The following ZNF423 variants were observed in gnomAD, a reference collection of about 807,000 sequenced individuals.
The protein encoded by ZNF423 is Ebf-associated zinc finger protein.
ZNF423 carries 12 observed loss-of-function variants against 95.8 expected under a neutral mutation model. That is an observed-to-expected ratio of 0.13 (90% confidence interval 0.08 to 0.20). The LOEUF (loss-of-function observed/expected upper bound fraction) is 0.20, where lower values mean the gene tolerates loss of function less well. Among genes scored for constraint, ZNF423 ranks in the 10% least tolerant of loss-of-function variants. The pLI, the probability that ZNF423 is intolerant of heterozygous loss-of-function variation, is 1.00. For missense variants in ZNF423, 1,316 were observed against 1,737.1 expected, an observed-to-expected ratio of 0.76 and a Z score of 4.31; for synonymous variants, 749 against 711.9, an observed-to-expected ratio of 1.05 and a Z score of -0.83.
At chr16:49,797,542 G>A (rs2034517559) in intron 1 of ZNF423, among the ~76,000 whole-genome samples, 2 of 152,224 alleles carry the variant, frequency 1.3e-5, no homozygotes. Flanking sequence ...TTCAGGTGGC[G>A]ATGTGTTCAG....
intron 5 of ZNF423, among the ~76,000 whole-genome samples, chr16:49,553,180 A>G (rs558899489): frequency 6.6e-6 from 1 of 152,300 alleles, no homozygotes; most frequent in South Asian, 2.1e-4. Flanking sequence ...TGGAAAAATG[A>G]TAATAATAAG....
chr16:49,735,236 C>T (rs1365538765), intron 2 of ZNF423, among the ~76,000 whole-genome samples: 1 of 152,160 alleles, frequency 6.6e-6, no homozygotes, highest in African/African-American at 2.4e-5. Flanking sequence ...GCTTCCCACT[C>T]CTGATCTCCA....
At chr16:49,857,998 G>T (rs914296893), upstream of ZNF423, 1 of 152,218 alleles carries the variant, frequency 6.6e-6, no homozygotes, top group African/African-American at 2.4e-5. This position sits in a 1 kb window ranked among gnomAD's most constrained non-coding sequence, Gnocchi z 6.2. Context: ...CAGGTCTCGG[G>T]TGGGGAGCGG....
intron 3 of ZNF423, chr16:49,640,772 G>GC (rs1042027057): frequency 6.6e-6 from 1 of 152,400 alleles, no homozygotes; most frequent in Non-Finnish European, 1.5e-5. Flanking sequence ...AGCTCAAGGG[G>GC]CCTCCTGGAA....
intron 5 of ZNF423, among the ~76,000 whole-genome samples, chr16:49,534,278 G>T (rs1185125054): frequency 1.4e-5 from 2 of 147,700 alleles, no homozygotes; most frequent in Non-Finnish European, 3.0e-5. Flanking sequence ...TTTTGAGACC[G>T]AGTTTCACTC....
chr16:49,614,868 C>A (rs1971824819), intron 5 of ZNF423, among the ~76,000 whole-genome samples: 1 of 152,174 alleles, frequency 6.6e-6, no homozygotes, highest in African/African-American at 2.4e-5. Flanking sequence ...CAGTGGCTCA[C>A]AACAGTAATC....
At chr16:49,493,402 G>C (rs540129223) in intron 7 of ZNF423, among the ~76,000 whole-genome samples, 3 of 152,120 alleles carry the variant, frequency 2.0e-5, no homozygotes, top group South Asian at 2.1e-4. Flanking sequence ...ACAGGGTGGC[G>C]GCACCTCCTT....
rs192203036 is a variant in ZNF423 at position 49,854,647 on chromosome 16, G to A, written c.40+1088C>T. On this transcript the variant is annotated intron_variant, in intron 1 of 7. Transcript: ENST00000563137. ...CGAGCGCCCGGGCACCCAACCGAGGGGCTAGAATCGGGACAAAGCAGCAGG... is the reference window on the plus strand; with the variant it reads ...CGAGCGCCCGGGCACCCAACCGAGGAGCTAGAATCGGGACAAAGCAGCAGG... The A allele has an allele frequency of 4.1e-6, 4 of 985,404 alleles. No individual in the cohort carries two copies. In the African/African-American group the frequency reaches 5.2e-5, roughly 13 times the overall value. The allele number at this position is 985,404 out of a possible 1,614,324, so 61.0% of individuals were successfully genotyped here. A position where few individuals can be genotyped will look rare whatever the true frequency, so the allele number is the denominator to read the frequency against.
At chr16:49,587,240 A>T (rs1352280634) in intron 5 of ZNF423, among the ~76,000 whole-genome samples, 1 of 152,166 alleles carries the variant, frequency 6.6e-6, no homozygotes, top group African/African-American at 2.4e-5. Flanking sequence ...AGCCCCTGAC[A>T]ATGACAGACA....
At chr16:49,630,924 G>A (rs904532612) in intron 4 of ZNF423, among the ~76,000 whole-genome samples, 1 of 151,900 alleles carries the variant, frequency 6.6e-6, no homozygotes, top group Non-Finnish European at 1.5e-5. Context: ...ATACACACAA[G>A]ACACACACAC....
intron 1 of ZNF423, among the ~76,000 whole-genome samples, chr16:49,809,230 C>T (rs192331603): frequency 6.6e-6 from 1 of 152,254 alleles, no homozygotes; most frequent in Non-Finnish European, 1.5e-5. Flanking sequence ...GCGGCCCACA[C>T]ATAATGCGAG....
At chr16:49,730,434 A>G in intron 3 of ZNF423, 1 of 343,288 alleles carries the variant, frequency 2.9e-6, no homozygotes, top group Non-Finnish European at 5.4e-6. Flanking sequence ...TTAACTTTGC[A>G]CTAACAACCT....
intron 1 of ZNF423, among the ~76,000 whole-genome samples, chr16:49,801,479 A>G (rs373384155): frequency 6.6e-6 from 1 of 152,244 alleles, no homozygotes; most frequent in Non-Finnish European, 1.5e-5. Context: ...ACTCCTGGAC[A>G]ATGCTGCCCA....
rs1555489931 is a variant in ZNF423, at chr16:49,842,447, A to AGGCC, written c.40+13284_40+13287dup. On this transcript the variant is annotated intron_variant, in intron 1 of 7. Coordinates refer to ENST00000563137, the MANE Select transcript of ZNF423 (RefSeq NM_001379286.1). ...CAGGCAGGCAGGCAGGCAGGCAGGC[A>AGGCC]GGCCCATAAACATAAAAGGCCAGGT... is the stretch of plus-strand genomic sequence containing the variant. 1.7e-4 allele frequency among the ~76,000 whole-genome samples: 25 copies of AGGCC among 144,214 alleles called. No homozygotes were observed. The East Asian group carries it at 3.2e-3, about 19-fold the overall frequency. The allele number at this position is 144,214 out of a possible 152,430, so 94.6% of individuals were successfully genotyped here.
At chr16:49,510,678 G>A (rs890133799) in intron 7 of ZNF423, among the ~76,000 whole-genome samples, 1 of 152,210 alleles carries the variant, frequency 6.6e-6, no homozygotes, top group Non-Finnish European at 1.5e-5. Context: ...ATGTCTTCCC[G>A]TGTGAGAGGC....
rs547574728 is a variant in ZNF423 at position 49,657,219 on chromosome 16, A to T, written c.302-18345T>A. Among the ~76,000 whole-genome samples, 4 of 152,198 alleles carry T rather than the reference A, an allele frequency of 2.6e-5. No homozygotes were observed. The South Asian group carries it at 8.3e-4, about 32-fold the overall frequency. ...CACACTGTGTGACCTCAAATCACAG[A>T]TCCCCTGCTTCTCAGTCAAATCCCA... is the stretch of plus-strand genomic sequence containing the variant. On this transcript the variant is annotated intron_variant, in intron 3 of 7. Transcript: ENST00000563137.
At position 49,635,279 on chromosome 16, in the gene ZNF423, T is replaced by C. The variant is rs1164051607; in HGVS notation, c.3516+381A>G. On this transcript the variant is annotated intron_variant, in intron 4 of 7. Transcript: ENST00000563137. This position sits in a 1 kb window ranked among gnomAD's most constrained non-coding sequence, Gnocchi z 4.8. ...GCAAATGAGTATGTCATACCCCAGCTCAACAACAAAGACACAAGCCACCAC... is the reference window on the plus strand; with the variant it reads ...GCAAATGAGTATGTCATACCCCAGCCCAACAACAAAGACACAAGCCACCAC... Among the ~76,000 whole-genome samples the C allele has an allele frequency of 6.6e-6, 1 of 152,144 alleles. No individual in the cohort carries two copies. Among genetic ancestry groups the C allele is most frequent in the Non-Finnish European group, 1.5e-5 (1 of 68,034 alleles).
At chr16:49,593,522 T>C (rs1457472819) in intron 5 of ZNF423, among the ~76,000 whole-genome samples, 1 of 152,106 alleles carries the variant, frequency 6.6e-6, no homozygotes, top group Non-Finnish European at 1.5e-5. Flanking sequence ...GAACCCTCTC[T>C]GAAGTCTGGC....
chr16:49,812,087 G>A (rs544980484), intron 1 of ZNF423, among the ~76,000 whole-genome samples: 1 of 152,350 alleles, frequency 6.6e-6, no homozygotes, highest in South Asian at 2.1e-4. Flanking sequence ...TCCACACACA[G>A]AGCACTTGTG....
Sources: gnomAD v4.1 joint callset for allele counts (sites outside exome capture counted in the v4.1 genomes callset) on GRCh38, gnomAD v4.1.1 for gene constraint, Gnocchi (gnomAD v3.1) non-coding constraint, MANE v1.5 for transcripts, NCBI Gene and HGNC (gene_info 2026-07-23, HGNC 2026-07-21) for gene names.